Variants in SLC7A8 observed in about 807,000 individuals in gnomAD.
The protein encoded by SLC7A8 is large neutral amino acids transporter small subunit 2.
Under a neutral mutation model 51.2 loss-of-function variants are expected in SLC7A8, and 30 were observed. The observed-to-expected ratio is 0.59, with a 90% confidence interval of 0.44 to 0.80. The LOEUF (loss-of-function observed/expected upper bound fraction) is 0.80, where lower values mean the gene tolerates loss of function less well. Ranked by LOEUF, SLC7A8 falls within the 30% of genes least tolerant of loss-of-function variation. SLC7A8 has a pLI of 0.00. For synonymous variants in SLC7A8, 257 were observed against 275.8 expected, an observed-to-expected ratio of 0.93 and a Z score of 0.67; for missense variants, 612 against 674.4, an observed-to-expected ratio of 0.91 and a Z score of 1.03.
intron 1 of SLC7A8, among the ~76,000 whole-genome samples, chr14:23,180,328 G>C (rs1437327112): frequency 6.6e-6 from 1 of 152,074 alleles, no homozygotes; most frequent in East Asian, 1.9e-4. Context: ...CTTGAATCAC[G>C]ATCATCCACT....
chr14:23,177,198 C>G (rs1876964522), intron 1 of SLC7A8, among the ~76,000 whole-genome samples: 1 of 152,244 alleles, frequency 6.6e-6, no homozygotes, highest in Admixed American at 6.5e-5. Context: ...CTGAAAGCTG[C>G]CTCCTTACAT....
In SLC7A8 at chr14:23,126,753, A is replaced by T. The variant is rs2048580317; in HGVS notation, c.*424T>A. On this transcript the variant is annotated 3_prime_UTR_variant, in exon 11 of 11. Transcript: ENST00000316902. ...TTGGGTCTCTCCAGCTGACCCCTTG[A>T]TGGGGACAGAATTGCTTGAGCCTGT... The T allele has an allele frequency of 1.0e-5, 2 of 200,504 alleles. No individual in the cohort carries two copies. Among genetic ancestry groups the T allele is most frequent in the Non-Finnish European group, 2.1e-5 (2 of 96,726 alleles). The allele number at this position is 200,504 out of a possible 1,614,324, so 12.4% of individuals were successfully genotyped here.
chr14:23,164,045 T>A (rs2048936856), intron 3 of SLC7A8, among the ~76,000 whole-genome samples: 1 of 151,986 alleles, frequency 6.6e-6, no homozygotes, highest in Non-Finnish European at 1.5e-5. Flanking sequence ...TAATCATAGC[T>A]CACTGTGGCC....
chr14:23,166,927 G>A (rs897480434), intron 1 of SLC7A8, among the ~76,000 whole-genome samples: 10 of 152,148 alleles, frequency 6.6e-5, no homozygotes, highest in African/African-American at 2.2e-4. Context: ...TGAGCGACAC[G>A]TGGTCCACCC....
chr14:23,163,145 A>G (rs1437270845), intron 3 of SLC7A8, among the ~76,000 whole-genome samples: 1 of 152,086 alleles, frequency 6.6e-6, no homozygotes, highest in Non-Finnish European at 1.5e-5. Flanking sequence ...AAGTGGCCCC[A>G]GCATCTTGCC....
rs376771567 is a variant in SLC7A8 at position 23,127,214 on chromosome 14, G to A, written c.1571C>T (p.Thr524Met). Residue 524 changes from threonine to methionine, a missense_variant, in exon 11 of 11, where the codon ACG becomes ATG. Transcript: ENST00000316902. ...QQQPMYQPTP[T>M]KDKDVAGQPQ... is the part of the protein sequence containing the mutation. Reference sequence around the variant, plus strand: ...CTGCCCCGCCACGTCCTTGTCCTTCGTGGGAGTGGGTTGGTACATGGGCTG... The same window carrying A: ...CTGCCCCGCCACGTCCTTGTCCTTCATGGGAGTGGGTTGGTACATGGGCTG... 27 of 1,613,988 alleles carry A rather than the reference G, an allele frequency of 1.7e-5. No individual in the cohort carries two copies. Among genetic ancestry groups the A allele is most frequent in the South Asian group, 5.5e-5 (5 of 91,086 alleles).
chr14:23,138,643 GA>G (rs1566359649), intron 6 of SLC7A8, among the ~76,000 whole-genome samples: 3 of 152,182 alleles, frequency 2.0e-5, no homozygotes, highest in African/African-American at 7.2e-5. Context: ...TCCTTAGTCT[GA>G]GAAAGAAAAG....
chr14:23,154,962 T>TAA lies in SLC7A8; in HGVS notation c.508+10321_508+10322dup, dbSNP rs201310696. On this transcript the variant is annotated intron_variant, in intron 3 of 10. Transcript: ENST00000316902. The stretch of plus-strand genomic sequence containing the variant: ...CTTGACTGGTGAAAGAGAAAAACGT[T>TAA]AAAAAAAAAAAACCCACAAAAAGCC... Among the ~76,000 whole-genome samples, 40 of 34,956 alleles carry TAA rather than the reference T, an allele frequency of 1.1e-3. 1 individual carries two copies. Among genetic ancestry groups the TAA allele is most frequent in the African/African-American group, 2.0e-3 (31 of 15,540 alleles). 22.9% of individuals were successfully genotyped at this position (34,956 alleles called of 152,430 possible).
At chr14:23,146,371 A>T (rs2048794276) in intron 3 of SLC7A8, among the ~76,000 whole-genome samples, 1 of 152,134 alleles carries the variant, frequency 6.6e-6, no homozygotes, top group Admixed American at 6.5e-5. Context: ...CAACTCAAAG[A>T]AATTCCTCCT....
At chr14:23,134,867 AATTAT>A (rs1352109600) in intron 7 of SLC7A8, among the ~76,000 whole-genome samples, 7 of 152,242 alleles carry the variant, frequency 4.6e-5, no homozygotes, top group South Asian at 2.1e-4. Flanking sequence ...CATGCTACAC[AATTAT>A]ATTATAATAT....
At chr14:23,155,988 T>TTTTTC (rs1007243280) in intron 3 of SLC7A8, among the ~76,000 whole-genome samples, 4 of 150,892 alleles carry the variant, frequency 2.7e-5, no homozygotes, top group African/African-American at 7.4e-5. Flanking sequence ...GCTGAACTCT[T>TTTTTC]TTTTCTTTTC....
At chr14:23,148,385 C>A (rs1291160666) in intron 3 of SLC7A8, among the ~76,000 whole-genome samples, 1 of 152,114 alleles carries the variant, frequency 6.6e-6, no homozygotes, top group Non-Finnish European at 1.5e-5. Context: ...TCCGCCACCA[C>A]GCCTGGCTAA....
At chr14:23,137,375 C>T (rs988362772) in intron 7 of SLC7A8, among the ~76,000 whole-genome samples, 1 of 152,190 alleles carries the variant, frequency 6.6e-6, no homozygotes, top group Non-Finnish European at 1.5e-5. Context: ...AAGGCCTCTA[C>T]AGCCACCTCT....
At chr14:23,158,825 A>C (rs2048907303) in intron 3 of SLC7A8, among the ~76,000 whole-genome samples, 1 of 152,164 alleles carries the variant, frequency 6.6e-6, no homozygotes, top group South Asian at 2.1e-4. Flanking sequence ...TTGTTACTTC[A>C]TTCTTAGTTC....
At chr14:23,158,078 T>A (rs2048903316) in intron 3 of SLC7A8, among the ~76,000 whole-genome samples, 1 of 152,214 alleles carries the variant, frequency 6.6e-6, no homozygotes, top group Admixed American at 6.5e-5. Context: ...GAAGGCTAAA[T>A]CTGCTGCTGC....
chr14:23,148,445 C>G (rs2048817773), intron 3 of SLC7A8, among the ~76,000 whole-genome samples: 1 of 152,248 alleles, frequency 6.6e-6, no homozygotes, highest in South Asian at 2.1e-4. Flanking sequence ...CCAGGCTGGT[C>G]TCGAATTCCT....
At chr14:23,154,311 C>T in intron 3 of SLC7A8, 1 of 1,000,380 alleles carries the variant, frequency 1.0e-6, no homozygotes, top group Non-Finnish European at 1.2e-6. Flanking sequence ...GGCCAGCTCC[C>T]ACAGACTCCC....
chr14:23,161,462 A>G (rs1300775091), intron 3 of SLC7A8, among the ~76,000 whole-genome samples: 1 of 142,434 alleles, frequency 7.0e-6, no homozygotes, highest in Non-Finnish European at 1.6e-5. Context: ...AGAGTTCCCC[A>G]TGTGCATATG....
At chr14:23,139,586 C>T (rs369964693) in intron 5 of SLC7A8, 39 bp from the exon 6 acceptor site, 20 of 1,593,648 alleles carry the variant, frequency 1.3e-5, no homozygotes, top group African/African-American at 5.4e-5. Flanking sequence ...GGCTGGCACC[C>T]GGGACACCCG....
Sources: allele counts gnomAD v4.1 joint callset (sites outside exome capture counted in the v4.1 genomes callset), GRCh38; gene constraint gnomAD v4.1.1; transcripts MANE v1.5; gene names NCBI Gene and HGNC (gene_info 2026-07-23, HGNC 2026-07-21).